MECOM: variants seen among roughly 807,000 people sequenced by gnomAD.
MECOM encodes the protein MDS1 and EVI1 complex locus, also known as histone-lysine N-methyltransferase MECOM.
A neutral mutation model predicts 116.3 loss-of-function variants in MECOM; 13 were observed. That is an observed-to-expected ratio of 0.11 (90% CI 0.07 to 0.18). MECOM has a LOEUF of 0.18. MECOM is among the 10% of genes least tolerant of loss of function. The pLI is 1.00. For missense variants in MECOM, 1,299 were observed against 1,509.0 expected, an observed-to-expected ratio of 0.86 and a Z score of 2.31; for synonymous variants, 528 against 535.2, an observed-to-expected ratio of 0.99 and a Z score of 0.19.
chr3:169,381,613 G>T, intron 1 of MECOM, 89 bp from the exon 2 acceptor site: 2 of 1,001,856 alleles, frequency 2.0e-6, no homozygotes, highest in South Asian at 1.8e-5. Context: ...GTTGTTCTTT[G>T]AAGGATAAAC....
chr3:169,428,941 G>C (rs1211185205), intron 1 of MECOM, among the ~76,000 whole-genome samples: 1 of 152,126 alleles, frequency 6.6e-6, no homozygotes, highest in African/African-American at 2.4e-5. Context: ...TCTTCAAGAA[G>C]CTCATAGTCT....
chr3:169,121,706 TG>T (rs1459290660), intron 6 of MECOM, among the ~76,000 whole-genome samples: 2 of 152,144 alleles, frequency 1.3e-5, no homozygotes, highest in Non-Finnish European at 2.9e-5. Flanking sequence ...CTTTAGACAT[TG>T]TACTAAAAAC....
At position 169,524,453 on chromosome 3, in the gene MECOM, C is replaced by T. The variant is rs75443614; in HGVS notation, c.37+138883G>A. 6.1e-3 allele frequency among the ~76,000 whole-genome samples: 924 copies of T among 152,216 alleles called. 11 individuals carry two copies. The highest frequency in any genetic ancestry group is 0.017 in the Middle Eastern group (5 of 294). ...GGGCTGCTTTAGCAAGTAGAAATACCTGGTGCAAGCATGGACACTCTTTTC... is the reference window on the plus strand; with the variant it reads ...GGGCTGCTTTAGCAAGTAGAAATACTTGGTGCAAGCATGGACACTCTTTTC... On this transcript the variant is annotated intron_variant, in intron 1 of 16. Coordinates refer to ENST00000651503, the MANE Select transcript of MECOM (RefSeq NM_004991.4).
rs182493716 is a variant in MECOM, at chr3:169,587,784, G to A, written c.37+75552C>T. On this transcript the variant is annotated intron_variant, in intron 1 of 16. Transcript: ENST00000651503. ...ATAGCCTAATGCTTCATGGAACAAA[G>A]AGTTTCCAGTTGCGTCTCCATGTCT... Among the ~76,000 whole-genome samples the A allele has an allele frequency of 1.6e-4, 24 of 152,110 alleles. 1 individual carries two copies. The highest frequency in any genetic ancestry group is 6.8e-3 in the Middle Eastern group (2 of 294).
At chr3:169,104,152 C>T (rs1028808827) in intron 10 of MECOM, among the ~76,000 whole-genome samples, 2 of 152,176 alleles carry the variant, frequency 1.3e-5, no homozygotes, top group African/African-American at 4.8e-5. Context: ...GTGGACAGCA[C>T]ATTTGTCACT....
At chr3:169,615,101 GTT>G (rs1314344892) in intron 1 of MECOM, 1 of 152,174 alleles carries the variant, frequency 6.6e-6, no homozygotes, top group Non-Finnish European at 1.5e-5. Flanking sequence ...ACTAATACAT[GTT>G]TATAAAACAC....
At chr3:169,255,582 C>T (rs554234358) in intron 2 of MECOM, among the ~76,000 whole-genome samples, 73 of 152,182 alleles carry the variant, frequency 4.8e-4, no homozygotes, top group African/African-American at 1.5e-3. Flanking sequence ...AAGTAAGATG[C>T]TATTTTAGAA....
intron 1 of MECOM, among the ~76,000 whole-genome samples, chr3:169,443,800 C>T (rs1367283888): frequency 6.6e-6 from 1 of 152,188 alleles, no homozygotes; most frequent in Non-Finnish European, 1.5e-5. Context: ...TTAGCAATCG[C>T]TCCCTGAGGA....
intron 2 of MECOM, among the ~76,000 whole-genome samples, chr3:169,264,712 A>G (rs1352262245): frequency 6.6e-6 from 1 of 152,224 alleles, no homozygotes; most frequent in African/African-American, 2.4e-5. Context: ...CGCTTCAAAT[A>G]CACTGTCCAA....
chr3:169,263,374 C>A (rs1757859701), intron 2 of MECOM, among the ~76,000 whole-genome samples: 1 of 151,362 alleles, frequency 6.6e-6, no homozygotes, highest in South Asian at 2.1e-4. Context: ...ATGATCTGCC[C>A]GCCTTGGCCT....
intron 1 of MECOM, among the ~76,000 whole-genome samples, chr3:169,429,009 G>T (rs2108542917): frequency 6.6e-6 from 1 of 152,282 alleles, no homozygotes; most frequent in East Asian, 1.9e-4. Context: ...TATGAATGTG[G>T]TATAACCAAA....
At chr3:169,181,834 C>A (rs749909814) in intron 2 of MECOM, among the ~76,000 whole-genome samples, 2 of 152,182 alleles carry the variant, frequency 1.3e-5, no homozygotes, top group African/African-American at 2.4e-5. Flanking sequence ...TTCAAACCAA[C>A]TCCCTGCTTC....
In MECOM at chr3:169,663,409, G is replaced by GGGT; in HGVS notation, c.-38_-37insACC. Reference sequence around the variant, plus strand: ...TCCTGCAGCCGCTGGTGTGTGGTTGGGGCTTTTTTTTCTTGGATCCTTTCC... The same window carrying GGGT: ...TCCTGCAGCCGCTGGTGTGTGGTTGGGGTGGCTTTTTTTTCTTGGATCCTTTCC... On this transcript the variant is annotated 5_prime_UTR_variant, in exon 1 of 17. Coordinates refer to ENST00000651503, the MANE Select transcript of MECOM (RefSeq NM_004991.4). The GGGT allele has an allele frequency of 6.3e-7, 1 of 1,597,334 alleles. No homozygotes were observed. The highest frequency in any genetic ancestry group is 8.5e-7 in the Non-Finnish European group (1 of 1,172,280).
intron 2 of MECOM, among the ~76,000 whole-genome samples, chr3:169,183,817 C>CAT (rs1746343180): frequency 2.6e-5 from 1 of 38,586 alleles, no homozygotes; most frequent in African/African-American, 1.7e-4. Context: ...CACACACACA[C>CAT]ACATATATAT....
At chr3:169,163,037 T>C (rs187587771) in intron 2 of MECOM, among the ~76,000 whole-genome samples, 3 of 152,218 alleles carry the variant, frequency 2.0e-5, no homozygotes, top group Admixed American at 6.5e-5. Flanking sequence ...ATAATGATAA[T>C]AATAATAATA....
intron 2 of MECOM, among the ~76,000 whole-genome samples, chr3:169,377,143 G>A (rs1731176940): frequency 6.6e-6 from 1 of 152,110 alleles, no homozygotes; most frequent in Admixed American, 6.6e-5. Context: ...AACTGAAACT[G>A]GACCTCTTCC....
chr3:169,282,396 T>G (rs182853071), intron 2 of MECOM, among the ~76,000 whole-genome samples: 1 of 152,152 alleles, frequency 6.6e-6, no homozygotes, highest in African/African-American at 2.4e-5. Context: ...ATATGCTGCA[T>G]AGACCTACAA....
intron 2 of MECOM, among the ~76,000 whole-genome samples, chr3:169,194,988 A>G (rs1367285065): frequency 6.6e-6 from 1 of 152,036 alleles, no homozygotes; most frequent in Admixed American, 6.6e-5. Context: ...TCTGTGTCCC[A>G]TCTCAGCCAC....
At chr3:169,582,018 C>A (rs184965023) in intron 1 of MECOM, among the ~76,000 whole-genome samples, 1 of 152,174 alleles carries the variant, frequency 6.6e-6, no homozygotes, top group Non-Finnish European at 1.5e-5. Flanking sequence ...GGAATAGACT[C>A]CCAAATATTC....
Sources: allele counts gnomAD v4.1 joint callset (sites outside exome capture counted in the v4.1 genomes callset), GRCh38; gene constraint gnomAD v4.1.1; transcripts MANE v1.5; gene names NCBI Gene and HGNC (gene_info 2026-07-23, HGNC 2026-07-21).